The following GALNTL6 variants were observed in gnomAD, a reference collection of about 807,000 sequenced individuals.
GALNTL6 encodes the protein polypeptide N-acetylgalactosaminyltransferase-like 6.
Under a neutral mutation model 73.7 loss-of-function variants are expected in GALNTL6, and 46 were observed. The observed-to-expected ratio is 0.62, with a 90% CI of 0.49 to 0.80. GALNTL6 has a LOEUF of 0.80. GALNTL6 is among the 30% of genes least tolerant of loss of function. GALNTL6 has a pLI of 0.00. For missense variants in GALNTL6, 604 were observed against 755.0 expected (o/e 0.80, Z 2.34); for synonymous variants, 259 against 263.7 (o/e 0.98, Z 0.17).
chr4:172,726,662 C>G (rs766633139), intron 5 of GALNTL6, among the ~76,000 whole-genome samples: 3 of 152,194 alleles, frequency 2.0e-5, no homozygotes, highest in Non-Finnish European at 4.4e-5. Flanking sequence ...TAGGAAAGTT[C>G]TTGACACATA....
chr4:172,973,734 C>T (rs926804234), intron 10 of GALNTL6, among the ~76,000 whole-genome samples: 2 of 152,174 alleles, frequency 1.3e-5, no homozygotes, highest in African/African-American at 2.4e-5. Flanking sequence ...TTTGTGGATA[C>T]GTAAGAAAAT....
At chr4:171,825,078 C>T (rs114107255) in intron 2 of GALNTL6, among the ~76,000 whole-genome samples, 1,923 of 152,132 alleles carry the variant, frequency 0.013, 40 homozygotes, top group African/African-American at 0.044. Context: ...ATTCTGCCCT[C>T]AGGGAAAAAA....
At chr4:172,957,476 A>T (rs1749805160) in intron 10 of GALNTL6, among the ~76,000 whole-genome samples, 1 of 152,088 alleles carries the variant, frequency 6.6e-6, no homozygotes, top group African/African-American at 2.4e-5. Flanking sequence ...AGAAGGAGAA[A>T]AACTGAAAGT....
chr4:171,956,930 C>A (rs1313294895), intron 2 of GALNTL6, among the ~76,000 whole-genome samples: 1 of 152,200 alleles, frequency 6.6e-6, no homozygotes, highest in Non-Finnish European at 1.5e-5. Context: ...TGAAATCTCA[C>A]ATCCTGCCTT....
At chr4:172,317,800 G>A (rs1274937462) in intron 4 of GALNTL6, among the ~76,000 whole-genome samples, 1 of 152,124 alleles carries the variant, frequency 6.6e-6, no homozygotes, top group Non-Finnish European at 1.5e-5. Context: ...CATAAAAAGT[G>A]AATAGCACTA....
chr4:172,846,262 G>A (rs1311710338), intron 7 of GALNTL6, among the ~76,000 whole-genome samples: 1 of 152,114 alleles, frequency 6.6e-6, no homozygotes, highest in Non-Finnish European at 1.5e-5. Context: ...TAACCAAAAA[G>A]CTTAAAACTT....
intron 5 of GALNTL6, among the ~76,000 whole-genome samples, chr4:172,672,789 A>G (rs1188033777): frequency 6.6e-6 from 1 of 152,016 alleles, no homozygotes; most frequent in African/African-American, 2.4e-5. Context: ...CATTTCTTCT[A>G]GATTTTCTAG....
At chr4:172,692,523 T>C (rs1041956625) in intron 5 of GALNTL6, among the ~76,000 whole-genome samples, 1 of 152,192 alleles carries the variant, frequency 6.6e-6, no homozygotes, top group African/African-American at 2.4e-5. Context: ...TATTTTTTAA[T>C]ATTATGTGTG....
At chr4:172,385,761 T>G (rs2111292559) in intron 5 of GALNTL6, among the ~76,000 whole-genome samples, 1 of 152,186 alleles carries the variant, frequency 6.6e-6, no homozygotes, top group East Asian at 1.9e-4. Context: ...TGACTTTTAA[T>G]GTAATTACTG....
chr4:172,355,404 T>C (rs954182559), intron 5 of GALNTL6, among the ~76,000 whole-genome samples: 2 of 152,072 alleles, frequency 1.3e-5, no homozygotes, highest in Non-Finnish European at 2.9e-5. Flanking sequence ...AATTTGAACA[T>C]GCATATAAGA....
intron 2 of GALNTL6, among the ~76,000 whole-genome samples, chr4:171,925,008 G>A (rs1175994706): frequency 6.6e-6 from 1 of 152,172 alleles, no homozygotes; most frequent in Non-Finnish European, 1.5e-5. Flanking sequence ...GGTTAGGGAT[G>A]GTTTCCTAGA....
chr4:172,880,785 T>C (rs1745413326), intron 7 of GALNTL6, among the ~76,000 whole-genome samples: 1 of 152,152 alleles, frequency 6.6e-6, no homozygotes, highest in Non-Finnish European at 1.5e-5. Context: ...ATTTAGGTCT[T>C]TGTAGGAACA....
At chr4:172,197,720 A>G (rs1414618074) in intron 2 of GALNTL6, among the ~76,000 whole-genome samples, 2 of 152,328 alleles carry the variant, frequency 1.3e-5, no homozygotes, top group African/African-American at 2.4e-5. Flanking sequence ...TGGTTTTGGG[A>G]GAACTGGTTA....
chr4:172,913,154 C>G (rs146686814), intron 8 of GALNTL6, among the ~76,000 whole-genome samples: 1,555 of 152,268 alleles, frequency 0.01, 10 homozygotes, highest in Non-Finnish European at 0.016. Context: ...GCTAAGGGTC[C>G]TGACTGTTAG....
intron 10 of GALNTL6, among the ~76,000 whole-genome samples, chr4:172,958,512 T>G (rs1452277311): frequency 6.6e-6 from 1 of 152,054 alleles, no homozygotes. Flanking sequence ...ATATAATGGT[T>G]TTGTTAGGAT....
chr4:172,905,904 C>G (rs1037156131), intron 8 of GALNTL6, among the ~76,000 whole-genome samples: 1 of 150,344 alleles, frequency 6.7e-6, no homozygotes, highest in African/African-American at 2.5e-5. Flanking sequence ...TACCCCCAAC[C>G]ACGACCTATA....
chr4:172,332,803 C>A (rs534431966), intron 4 of GALNTL6, among the ~76,000 whole-genome samples: 1 of 152,002 alleles, frequency 6.6e-6, no homozygotes, highest in South Asian at 2.1e-4. Context: ...ATTTCTTTTC[C>A]GTTGGGAAGA....
chr4:172,340,587 T>C (rs1741525765), intron 4 of GALNTL6, among the ~76,000 whole-genome samples: 1 of 152,212 alleles, frequency 6.6e-6, no homozygotes, highest in East Asian at 1.9e-4. Context: ...GTGAAAAATA[T>C]TTTGTATTAC....
At chr4:173,035,475 GC>G (rs753199511) in intron 12 of GALNTL6, among the ~76,000 whole-genome samples, 1 of 152,170 alleles carries the variant, frequency 6.6e-6, no homozygotes, top group Non-Finnish European at 1.5e-5. Context: ...ACCGCGCCTG[GC>G]CTACTACAAA....
Sources: allele counts gnomAD v4.1 joint callset (sites outside exome capture counted in the v4.1 genomes callset), GRCh38; gene constraint gnomAD v4.1.1; transcripts MANE v1.5; gene names NCBI Gene and HGNC (gene_info 2026-07-23, HGNC 2026-07-21).